Variants in UVRAG observed in about 807,000 individuals in gnomAD.
UVRAG encodes UV radiation resistance associated, also known as UV radiation resistance-associated gene protein.
UVRAG carries 19 observed loss-of-function variants against 78.0 expected under a neutral mutation model. That is an observed-to-expected ratio of 0.24 (90% CI 0.17 to 0.36). The LOEUF (loss-of-function observed/expected upper bound fraction) is 0.36. UVRAG is among the 10% of genes least tolerant of loss of function. The pLI, the probability that UVRAG is intolerant of heterozygous loss-of-function variation, is 1.00. For missense variants in UVRAG, 740 were observed against 853.8 expected (o/e 0.87, Z 1.66); for synonymous variants, 323 against 324.6 (o/e 1.00, Z 0.05).
chr11:75,939,513 T>G (rs562701751), intron 6 of UVRAG, among the ~76,000 whole-genome samples: 1 of 152,294 alleles, frequency 6.6e-6, no homozygotes, highest in South Asian at 2.1e-4. Context: ...TCTTTTTCAC[T>G]ATAGCAGTGT....
chr11:76,008,075 T>C (rs1949983445), intron 10 of UVRAG, among the ~76,000 whole-genome samples: 1 of 152,038 alleles, frequency 6.6e-6, no homozygotes, highest in African/African-American at 2.4e-5. Context: ...GATGCCTGGC[T>C]AATTTTTTTG....
At chr11:76,100,912 A>G (rs1038257942) in intron 13 of UVRAG, among the ~76,000 whole-genome samples, 1 of 152,134 alleles carries the variant, frequency 6.6e-6, no homozygotes, top group African/African-American at 2.4e-5. Flanking sequence ...CTCCAGCTCC[A>G]TTCATGTGCC....
At position 76,091,585 on chromosome 11, in the gene UVRAG, C is replaced by T. The variant is rs181927383; in HGVS notation, c.1306-24339C>T. ...TCTATCTCTTTGTCTTTTTGTTCTACCTCTGGAGAGATTTGCTTACCTTCA... is the reference window on the plus strand; with the variant it reads ...TCTATCTCTTTGTCTTTTTGTTCTATCTCTGGAGAGATTTGCTTACCTTCA... On this transcript the variant is annotated intron_variant, in intron 13 of 14. Coordinates refer to ENST00000356136, the MANE Select transcript of UVRAG (RefSeq NM_003369.4). Among the ~76,000 whole-genome samples the T allele has an allele frequency of 2.7e-3, 418 of 152,122 alleles. 3 individuals are homozygous for T. The highest frequency in any genetic ancestry group is 9.7e-3 in the African/African-American group (403 of 41,526).
intron 7 of UVRAG, among the ~76,000 whole-genome samples, chr11:75,970,719 C>T (rs189852787): frequency 9.6e-5 from 13 of 134,780 alleles, no homozygotes; most frequent in African/African-American, 3.2e-4. Context: ...GGCAACAGAG[C>T]GAGACTCCAT....
At chr11:75,867,471 G>A (rs1317887064) in intron 3 of UVRAG, among the ~76,000 whole-genome samples, 1 of 152,100 alleles carries the variant, frequency 6.6e-6, no homozygotes, top group African/African-American at 2.4e-5. Context: ...CGTATTTGTG[G>A]TTTGTTTGCT....
intron 3 of UVRAG, among the ~76,000 whole-genome samples, chr11:75,869,876 C>T (rs1565354049): frequency 6.6e-6 from 1 of 152,154 alleles, no homozygotes; most frequent in East Asian, 1.9e-4. Context: ...TGTAACCATA[C>T]ATTTGTTATC....
intron 1 of UVRAG, among the ~76,000 whole-genome samples, chr11:75,820,555 A>G (rs1427159968): frequency 6.6e-6 from 1 of 151,736 alleles, no homozygotes; most frequent in Admixed American, 6.6e-5. Context: ...AGGTTTTGCC[A>G]TGTTGGCCAG....
intron 5 of UVRAG, 65 bp from the exon 6 acceptor site, chr11:75,911,889 G>T: frequency 1.8e-6 from 2 of 1,086,266 alleles, no homozygotes; most frequent in South Asian, 2.8e-5. Flanking sequence ...AGACAAGCAT[G>T]ATTAATTTGT....
chr11:75,899,420 G>A (rs1450418852), intron 5 of UVRAG, among the ~76,000 whole-genome samples: 1 of 152,106 alleles, frequency 6.6e-6, no homozygotes, highest in Non-Finnish European at 1.5e-5. Context: ...CACTATGTCA[G>A]AAAGGTTATG....
At chr11:76,072,464 T>C (rs1951331182) in intron 13 of UVRAG, among the ~76,000 whole-genome samples, 1 of 152,210 alleles carries the variant, frequency 6.6e-6, no homozygotes, top group South Asian at 2.1e-4. Flanking sequence ...CTGATGAGAG[T>C]GAGCCTTTGC....
At chr11:76,136,088 C>T (rs1388763953) in intron 14 of UVRAG, among the ~76,000 whole-genome samples, 1 of 152,178 alleles carries the variant, frequency 6.6e-6, no homozygotes, top group Non-Finnish European at 1.5e-5. Flanking sequence ...ATCAAAGAAT[C>T]TTGAAACCTC....
chr11:76,083,862 T>C (rs1951540426), intron 13 of UVRAG, among the ~76,000 whole-genome samples: 1 of 152,240 alleles, frequency 6.6e-6, no homozygotes, highest in Admixed American at 6.5e-5. Flanking sequence ...CACTTCATGT[T>C]ATTCAGGAGA....
chr11:76,020,520 T>C (rs1950226192), intron 12 of UVRAG, among the ~76,000 whole-genome samples: 1 of 151,986 alleles, frequency 6.6e-6, no homozygotes, highest in Non-Finnish European at 1.5e-5. Context: ...GGTCTAGATA[T>C]GTCATCTGGG....
intron 6 of UVRAG, among the ~76,000 whole-genome samples, chr11:75,925,712 A>G (rs1311306551): frequency 6.6e-6 from 1 of 152,230 alleles, no homozygotes; most frequent in Non-Finnish European, 1.5e-5. Context: ...TAAGATTTGA[A>G]TATTAAAAAT....
At chr11:75,833,967 G>A (rs887277974) in intron 1 of UVRAG, among the ~76,000 whole-genome samples, 5 of 152,220 alleles carry the variant, frequency 3.3e-5, no homozygotes, top group African/African-American at 1.2e-4. Context: ...TGTCACTAGT[G>A]CTGCAGAGAT....
At chr11:76,103,874 A>G (rs1274511845) in intron 13 of UVRAG, among the ~76,000 whole-genome samples, 1 of 152,118 alleles carries the variant, frequency 6.6e-6, no homozygotes, top group African/African-American at 2.4e-5. Flanking sequence ...CTAAATATGT[A>G]TAGCTTAGCT....
chr11:76,108,947 A>G (rs190856229), intron 13 of UVRAG, among the ~76,000 whole-genome samples: 115 of 152,310 alleles, frequency 7.6e-4, no homozygotes, highest in African/African-American at 2.6e-3. Context: ...AATTGCCCCC[A>G]TGGAGTCCTA....
intron 1 of UVRAG, among the ~76,000 whole-genome samples, chr11:75,825,509 G>A (rs1565331807): frequency 6.6e-6 from 1 of 152,044 alleles, no homozygotes; most frequent in Non-Finnish European, 1.5e-5. Flanking sequence ...CACACAGAAT[G>A]GAAACTTGAC....
At chr11:76,026,228 T>C (rs566649849) in intron 12 of UVRAG, among the ~76,000 whole-genome samples, 16 of 152,298 alleles carry the variant, frequency 1.1e-4, no homozygotes, top group African/African-American at 3.4e-4. Flanking sequence ...AAAGCTTATA[T>C]TGAAAACATA....
Sources: gnomAD v4.1 joint callset for allele counts (sites outside exome capture counted in the v4.1 genomes callset) on GRCh38, gnomAD v4.1.1 for gene constraint, MANE v1.5 for transcripts, NCBI Gene and HGNC (gene_info 2026-07-23, HGNC 2026-07-21) for gene names.